Variants in GPR155 observed in about 807,000 individuals in gnomAD.
GPR155 encodes the protein G protein-coupled receptor 155.
A neutral mutation model predicts 93.1 loss-of-function variants in GPR155; 65 were observed. That is an observed-to-expected ratio of 0.70 (90% CI 0.57 to 0.86). The LOEUF is 0.86. Ranked by LOEUF, GPR155 falls within the 40% of genes least tolerant of loss-of-function variation. GPR155 has a pLI of 0.00. For synonymous variants in GPR155, 319 were observed against 360.1 expected, an observed-to-expected ratio of 0.89 and a Z score of 1.29; for missense variants, 838 against 1,034.8, an observed-to-expected ratio of 0.81 and a Z score of 2.61.
intron 5 of GPR155, 88 bp downstream of exon 5, chr2:174,468,824 A>T: frequency 5.5e-6 from 6 of 1,099,206 alleles, no homozygotes; most frequent in Non-Finnish European, 8.0e-6. Context: ...TTTCATAAGA[A>T]ACTAGATTTT....
intron 15 of GPR155, among the ~76,000 whole-genome samples, chr2:174,437,958 T>A (rs1156244359): frequency 6.6e-6 from 1 of 151,556 alleles, no homozygotes; most frequent in Non-Finnish European, 1.5e-5. Context: ...GCAGCTATAA[T>A]AACAGCCCAT....
rs138579883 is a variant in GPR155 at position 174,436,264 on chromosome 2, T to C, written c.2465A>G (p.Tyr822Cys). ...AAACAAGTACTCATCCCGGAATTCA[T>C]ACTCGTTGGTAATATGTTGGATGAC... is the stretch of plus-strand genomic sequence containing the variant. ...GGVIQHITNE[Y>C]EFRDEYLFYR... Residue 822 changes from tyrosine (Y) to cysteine (C), a missense_variant, in exon 16 of 16, where the codon TAT (tyrosine) becomes TGT (cysteine). Tyr to Cys is a radical substitution (Grantham distance 194). Transcript: ENST00000392552. 1.9e-5 allele frequency: 30 copies of C among 1,614,074 alleles called. No homozygotes were observed. In the African/African-American group the frequency reaches 3.3e-4, roughly 18 times the overall value.
Position 174,460,107 on chromosome 2 carries a change from G to C in GPR155, c.1561-19C>G, listed in dbSNP as rs1687642610. The C allele has an allele frequency of 6.8e-7, 1 of 1,472,790 alleles. No homozygotes were observed. Among genetic ancestry groups the C allele is most frequent in the East Asian group, 2.6e-5 (1 of 39,060 alleles). 91.2% of individuals were successfully genotyped at this position (1,472,790 alleles called of 1,614,324 possible). On this transcript the variant is annotated intron_variant, in intron 9 of 15. Coordinates refer to ENST00000392552, the MANE Select transcript of GPR155 (RefSeq NM_152529.7). Reference sequence around the variant, plus strand: ...TGATCATCTGCCGACATGAAAAAAAGATATCAGGCCACTTTTCACAACTTC... The same window carrying C: ...TGATCATCTGCCGACATGAAAAAAACATATCAGGCCACTTTTCACAACTTC...
chr2:174,453,960 A>G, intron 10 of GPR155, 119 bp from the exon 11 acceptor site: 1 of 682,940 alleles, frequency 1.5e-6, no homozygotes, highest in Non-Finnish European at 2.7e-6. Context: ...ATGTAGCCTC[A>G]ATAGTTTTCA....
chr2:174,442,241 A>G (rs1393647602), intron 13 of GPR155, 58 bp from the exon 14 acceptor site: 52 of 963,774 alleles, frequency 5.4e-5, no homozygotes, highest in Non-Finnish European at 8.5e-5. Context: ...TTTAAAACAG[A>G]GAAGTTAAGG....
Position 174,434,150 on chromosome 2 carries a change from T to TA in GPR155, c.*1965dup, listed in dbSNP as rs1222762195. 1 of 147,838 alleles carries TA rather than the reference T, an allele frequency of 6.8e-6. No individual in the cohort carries two copies. Among genetic ancestry groups the TA allele is most frequent in the Non-Finnish European group, 1.5e-5 (1 of 66,882 alleles). The allele number at this position is 147,838 out of a possible 1,614,324, so 9.2% of individuals were successfully genotyped here. ...TAATTTTTTTTTTTTTTTTTTTTTT[T>TA]AGTAGAGATGGGGTTTCACCACATT... On this transcript the variant is annotated 3_prime_UTR_variant, in exon 16 of 16. Coordinates refer to ENST00000392552, the MANE Select transcript of GPR155 (RefSeq NM_152529.7).
chr2:174,480,698 A>AT (rs1250736041), intron 2 of GPR155, among the ~76,000 whole-genome samples: 1 of 152,014 alleles, frequency 6.6e-6, no homozygotes, highest in Admixed American at 6.6e-5. Context: ...AGCTCTCACC[A>AT]TTTTTTTTCT....
At chr2:174,442,266 A>T (rs1392639084) in intron 13 of GPR155, 83 bp from the exon 14 acceptor site, 1 of 790,402 alleles carries the variant, frequency 1.3e-6, no homozygotes, top group Non-Finnish European at 2.2e-6. Context: ...CACCAAATTT[A>T]GTGTTTGAGG....
At chr2:174,481,469 A>G in intron 2 of GPR155, 28 bp downstream of exon 2, 1 of 1,334,464 alleles carries the variant, frequency 7.5e-7, no homozygotes, top group South Asian at 1.4e-5. Context: ...GAATTTTTTA[A>G]ACACTTGAAA....
At chr2:174,465,577 G>C (rs1574723262) in intron 7 of GPR155, among the ~76,000 whole-genome samples, 1 of 152,334 alleles carries the variant, frequency 6.6e-6, no homozygotes, top group Non-Finnish European at 1.5e-5. Context: ...CATGTGACTG[G>C]ACAAGGCTCT....
intron 12 of GPR155, among the ~76,000 whole-genome samples, chr2:174,445,998 T>G (rs930993793): frequency 6.6e-6 from 1 of 151,880 alleles, no homozygotes; most frequent in Admixed American, 6.6e-5. Context: ...AGTGGCCCTG[T>G]GTACATTATT....
intron 3 of GPR155, among the ~76,000 whole-genome samples, chr2:174,471,452 T>A (rs1687996162): frequency 9.0e-6 from 1 of 111,656 alleles, no homozygotes. Flanking sequence ...TATCTTCAAG[T>A]AGCTCTTCAT....
At chr2:174,457,228 C>G (rs2105701522) in intron 10 of GPR155, among the ~76,000 whole-genome samples, 1 of 152,318 alleles carries the variant, frequency 6.6e-6, no homozygotes, top group Middle Eastern at 3.4e-3. Flanking sequence ...GGGAGGATTA[C>G]TTGAACCCAG....
At chr2:174,472,511 G>T (rs908442195) in intron 3 of GPR155, among the ~76,000 whole-genome samples, 1 of 152,196 alleles carries the variant, frequency 6.6e-6, no homozygotes, top group Non-Finnish European at 1.5e-5. Context: ...TGACTTGGCT[G>T]TATTTAGAAA....
chr2:174,466,703 G>C (rs903246938), intron 5 of GPR155, 76 bp from the exon 6 acceptor site: 8 of 762,654 alleles, frequency 1.0e-5, no homozygotes, highest in Middle Eastern at 3.1e-4. Flanking sequence ...ACAATGATTA[G>C]CCTCTTTAAA....
intron 11 of GPR155, among the ~76,000 whole-genome samples, chr2:174,448,383 G>A (rs1040705387): frequency 2.0e-5 from 3 of 152,032 alleles, no homozygotes; most frequent in African/African-American, 7.2e-5. Flanking sequence ...TCAAAAAAAA[G>A]TAATGCCTCA....
In GPR155 at chr2:174,481,756, T is replaced by A. The variant is rs1396105856; in HGVS notation, c.201A>T (p.Ser67=). Residue 67 remains serine, a synonymous_variant, in exon 2 of 16, where the codon TCA becomes TCT. Coordinates refer to ENST00000392552, the MANE Select transcript of GPR155 (RefSeq NM_152529.7). ...AATTTCCTAGTCCTTTGGCCTGGGT[T>A]GATGTTATGACATTGGCCCTTCCTG... The part of the protein sequence containing the change: ...YIAGRANVIT[S]TQAKGLGNFV... The A allele has an allele frequency of 7.4e-6, 12 of 1,614,046 alleles. No homozygotes were observed. The highest frequency in any genetic ancestry group is 9.3e-6 in the Non-Finnish European group (11 of 1,180,000).
chr2:174,482,569 G>A (rs1423887915), intron 1 of GPR155, among the ~76,000 whole-genome samples: 1 of 152,164 alleles, frequency 6.6e-6, no homozygotes, highest in Non-Finnish European at 1.5e-5. Flanking sequence ...TTTTTCTAAA[G>A]ACAGGGTCTT....
rs772005007 is a variant in GPR155 at position 174,481,560 on chromosome 2, T to C, written c.397A>G (p.Lys133Glu). 1 of 1,613,352 alleles carries C rather than the reference T, an allele frequency of 6.2e-7. No individual in the cohort carries two copies. Among genetic ancestry groups the C allele is most frequent in the Non-Finnish European group, 8.5e-7 (1 of 1,179,882 alleles). The part of the protein sequence containing the change: ...LVASPDSRFS[K>E]AGLFPIFATQ... Reference sequence around the variant, plus strand: ...GCAAAAATAGGGAATAGTCCAGCTTTGCTAAATCGACTATCAGGACTGGCA... The same window carrying C: ...GCAAAAATAGGGAATAGTCCAGCTTCGCTAAATCGACTATCAGGACTGGCA... Residue 133 changes from lysine (K) to glutamate (E), a missense_variant, in exon 2 of 16, where the codon AAA (lysine) becomes GAA (glutamate). By Grantham distance (56) the Lys-to-Glu change is moderately conservative. This residue lies in a region of GPR155 where 663 missense variants were observed against 790.1 expected (regional missense o/e 0.84). Coordinates refer to ENST00000392552, the MANE Select transcript of GPR155 (RefSeq NM_152529.7).
Sources: gnomAD v4.1 joint callset for allele counts (sites outside exome capture counted in the v4.1 genomes callset) on GRCh38, gnomAD v4.1.1 for gene constraint, gnomAD v4.1.1 regional missense constraint, MANE v1.5 for transcripts, NCBI Gene and HGNC (gene_info 2026-07-23, HGNC 2026-07-21) for gene names.